STAU2: variants seen among roughly 807,000 people sequenced by gnomAD.
STAU2 encodes the protein staufen double-stranded RNA binding protein 2.
Under a neutral mutation model 65.9 loss-of-function variants are expected in STAU2, and 20 were observed. The observed-to-expected ratio is 0.30, with a 90% CI of 0.21 to 0.44. The LOEUF is 0.44. Among genes scored for constraint, STAU2 ranks in the 20% least tolerant of loss-of-function variants. The pLI, the probability that STAU2 is intolerant of heterozygous loss-of-function variation, is 1.00. For missense variants in STAU2, 558 were observed against 683.9 expected, an observed-to-expected ratio of 0.82 and a Z score of 2.05; for synonymous variants, 232 against 233.9, an observed-to-expected ratio of 0.99 and a Z score of 0.07.
chr8:73,614,569 C>T (rs1236729133), intron 8 of STAU2, among the ~76,000 whole-genome samples: 1 of 152,038 alleles, frequency 6.6e-6, no homozygotes, highest in Non-Finnish European at 1.5e-5. Context: ...GAGTTATGGA[C>T]CTGTCAACTA....
chr8:73,422,540 C>A, intron 14 of STAU2, 74 bp downstream of exon 14: 1 of 1,178,350 alleles, frequency 8.5e-7, no homozygotes, highest in South Asian at 1.7e-5. Context: ...CTTTTTAAAA[C>A]ATTATTATCT....
chr8:73,681,453 A>T (rs1818425001), intron 5 of STAU2, among the ~76,000 whole-genome samples: 3 of 152,206 alleles, frequency 2.0e-5, no homozygotes, highest in Admixed American at 2.0e-4. Context: ...GCACTAAAGA[A>T]GTAATAAAAT....
intron 3 of STAU2, among the ~76,000 whole-genome samples, chr8:73,720,072 T>C (rs1023506055): frequency 1.3e-5 from 2 of 151,840 alleles, no homozygotes; most frequent in African/African-American, 2.4e-5. Flanking sequence ...AGCCCAGGAG[T>C]TGGAGACCAG....
chr8:73,425,807 T>G (rs1230727134), intron 13 of STAU2, among the ~76,000 whole-genome samples: 1 of 152,190 alleles, frequency 6.6e-6, no homozygotes, highest in Non-Finnish European at 1.5e-5. Flanking sequence ...CTCTCTTTTT[T>G]TTTGAGATGG....
chr8:73,704,485 G>A (rs1244020968), intron 4 of STAU2, among the ~76,000 whole-genome samples: 1 of 151,914 alleles, frequency 6.6e-6, no homozygotes, highest in Non-Finnish European at 1.5e-5. Flanking sequence ...ACGGTGTAGT[G>A]CGCTATTTTT....
chr8:73,570,809 G>T (rs898370673), intron 12 of STAU2, among the ~76,000 whole-genome samples: 3 of 152,306 alleles, frequency 2.0e-5, no homozygotes, highest in Admixed American at 2.0e-4. Context: ...CATTCTTAAA[G>T]AAAAGAATTT....
intron 13 of STAU2, among the ~76,000 whole-genome samples, chr8:73,442,487 T>C (rs1440624786): frequency 6.6e-6 from 1 of 152,144 alleles, no homozygotes; most frequent in Non-Finnish European, 1.5e-5. Flanking sequence ...TACGAAGAGA[T>C]TTACTCTGTG....
intron 11 of STAU2, among the ~76,000 whole-genome samples, chr8:73,585,462 G>A (rs2383919): frequency 0.32 from 48,153 of 152,080 alleles, 9,341 homozygotes; most frequent in African/African-American, 0.55. Context: ...CCTGGACAAC[G>A]AGAGTGAAAC....
chr8:73,692,038 C>T (rs1156404293), intron 4 of STAU2, among the ~76,000 whole-genome samples: 1 of 152,064 alleles, frequency 6.6e-6, no homozygotes, highest in Non-Finnish European at 1.5e-5. Context: ...AGTTAATAAT[C>T]GATCATGCCT....
chr8:73,732,716 G>T (rs186154260), intron 3 of STAU2: 1 of 152,280 alleles, frequency 6.6e-6, no homozygotes, highest in East Asian at 1.9e-4. Context: ...GGTGCTTGTG[G>T]CAAGAAGCAG....
intron 13 of STAU2, among the ~76,000 whole-genome samples, chr8:73,508,524 C>T (rs1056548673): frequency 6.6e-6 from 1 of 151,952 alleles, no homozygotes; most frequent in Non-Finnish European, 1.5e-5. Flanking sequence ...ATAACACATA[C>T]AATAATCATA....
chr8:73,454,864 C>A (rs997802333), intron 13 of STAU2, among the ~76,000 whole-genome samples: 3 of 152,116 alleles, frequency 2.0e-5, no homozygotes, highest in Non-Finnish European at 4.4e-5. Context: ...ACTGTGCCTC[C>A]CCACAAGACA....
chr8:73,469,653 C>T (rs561637197), intron 13 of STAU2, among the ~76,000 whole-genome samples: 5 of 151,746 alleles, frequency 3.3e-5, no homozygotes, highest in Non-Finnish European at 5.9e-5. Flanking sequence ...ATTCTATCCA[C>T]GGTCAGTTCG....
intron 4 of STAU2, among the ~76,000 whole-genome samples, chr8:73,704,693 G>GA (rs1171690838): frequency 1.3e-5 from 2 of 152,066 alleles, no homozygotes; most frequent in Non-Finnish European, 2.9e-5. Flanking sequence ...TTTTTGAGAT[G>GA]GAGTCTCCCT....
chr8:73,564,580 T>C (rs1474768172), intron 12 of STAU2, among the ~76,000 whole-genome samples: 1 of 150,172 alleles, frequency 6.7e-6, no homozygotes, highest in African/African-American at 2.4e-5. Context: ...ATCTGGATGA[T>C]GAAATAATCT....
At chr8:73,431,517 C>T (rs1277968699) in intron 13 of STAU2, among the ~76,000 whole-genome samples, 3 of 152,112 alleles carry the variant, frequency 2.0e-5, no homozygotes, top group African/African-American at 7.2e-5. Flanking sequence ...ACTGTGTGTG[C>T]GTATCTGTAT....
chr8:73,667,599 G>A (rs750667902), intron 6 of STAU2, among the ~76,000 whole-genome samples: 5 of 152,146 alleles, frequency 3.3e-5, no homozygotes, highest in African/African-American at 4.8e-5. Flanking sequence ...TGGATGGGGT[G>A]CTTAGTTCCT....
chr8:73,430,541 A>C (rs892151475), intron 13 of STAU2, among the ~76,000 whole-genome samples: 7 of 152,336 alleles, frequency 4.6e-5, no homozygotes, highest in African/African-American at 1.7e-4. Context: ...CTACAGGATC[A>C]TGCCAATACC....
At chr8:73,616,849 G>A (rs1158790805) in intron 7 of STAU2, among the ~76,000 whole-genome samples, 1 of 151,926 alleles carries the variant, frequency 6.6e-6, no homozygotes, top group Non-Finnish European at 1.5e-5. Flanking sequence ...CTGAGCTAGA[G>A]ATACTATTTT....
Sources: gnomAD v4.1 joint callset for allele counts (sites outside exome capture counted in the v4.1 genomes callset) on GRCh38, gnomAD v4.1.1 for gene constraint, MANE v1.5 for transcripts, NCBI Gene and HGNC (gene_info 2026-07-23, HGNC 2026-07-21) for gene names.